The following HS3ST2 variants were observed in gnomAD, a reference collection of about 807,000 sequenced individuals.
The protein encoded by HS3ST2 is heparan sulfate glucosamine 3-O-sulfotransferase 2.
In HS3ST2, 17 loss-of-function variants were observed where a neutral mutation model predicts 26.3. That is an observed-to-expected ratio of 0.65 (90% CI 0.44 to 0.97). The LOEUF is 0.97. HS3ST2 is among the 50% of genes least tolerant of loss of function. The probability of loss-of-function intolerance (pLI) is 0.00; values close to 1 mark genes in which losing one functional copy is unlikely to be tolerated. For synonymous variants in HS3ST2, 237 were observed against 219.2 expected (o/e 1.08, Z -0.72); for missense variants, 402 against 501.2 (o/e 0.80, Z 1.89).
intron 1 of HS3ST2, among the ~76,000 whole-genome samples, chr16:22,865,049 C>CA (rs59256411): frequency 0.013 from 646 of 49,458 alleles, 7 homozygotes; most frequent in Middle Eastern, 0.033. Flanking sequence ...GACCCTATCT[C>CA]AAAAAAAAAA....
At chr16:22,821,211 C>G (rs1480701389) in intron 1 of HS3ST2, among the ~76,000 whole-genome samples, 1 of 152,096 alleles carries the variant, frequency 6.6e-6, no homozygotes, top group African/African-American at 2.4e-5. Flanking sequence ...TGGGCATGTC[C>G]TTCATGGCCT....
chr16:22,839,143 T>C (rs957792115), intron 1 of HS3ST2, among the ~76,000 whole-genome samples: 3 of 152,246 alleles, frequency 2.0e-5, no homozygotes, highest in East Asian at 3.8e-4. Context: ...TCTCTGCTTA[T>C]GCCTCCAGTT....
rs370346828 is a variant in HS3ST2 at position 22,896,267 on chromosome 16, A to G, written c.486-18677A>G. On this transcript the variant is annotated intron_variant, in intron 1 of 1. Transcript: ENST00000261374. ...CACTCAGAATGTTGTTTTTCTTTTC[A>G]AGGGATTTTTTGAAGAGCAGGATCT... 2.0e-5 allele frequency among the ~76,000 whole-genome samples: 3 copies of G among 152,242 alleles called. No homozygotes were observed. The East Asian group carries it at 5.8e-4, about 29-fold the overall frequency.
chr16:22,867,647 G>A (rs568483090), intron 1 of HS3ST2, among the ~76,000 whole-genome samples: 20 of 152,246 alleles, frequency 1.3e-4, no homozygotes, highest in Non-Finnish European at 2.5e-4. Context: ...GAAAAAAATG[G>A]AGCAAAATAA....
chr16:22,887,837 T>G (rs1395226209), intron 1 of HS3ST2, among the ~76,000 whole-genome samples: 3 of 151,342 alleles, frequency 2.0e-5, no homozygotes, highest in Non-Finnish European at 4.4e-5. Flanking sequence ...CAGTCCCAGC[T>G]ACTCGGGAGG....
chr16:22,900,667 G>A (rs914794903), intron 1 of HS3ST2, among the ~76,000 whole-genome samples: 1 of 152,108 alleles, frequency 6.6e-6, no homozygotes, highest in Non-Finnish European at 1.5e-5. Context: ...AATGGTCAGT[G>A]GGGGGCAGGG....
chr16:22,818,454 C>T (rs971406133), intron 1 of HS3ST2, among the ~76,000 whole-genome samples: 1 of 152,118 alleles, frequency 6.6e-6, no homozygotes, highest in Non-Finnish European at 1.5e-5. Flanking sequence ...AGTAATGTTA[C>T]TACTGTTATT....
chr16:22,875,910 G>T (rs1007038101), intron 1 of HS3ST2, among the ~76,000 whole-genome samples: 1 of 152,160 alleles, frequency 6.6e-6, no homozygotes, highest in African/African-American at 2.4e-5. Flanking sequence ...GTTGCCTACA[G>T]TATTCAGGAC....
intron 1 of HS3ST2, among the ~76,000 whole-genome samples, chr16:22,840,486 G>C (rs1169357327): frequency 6.6e-6 from 1 of 151,932 alleles, no homozygotes; most frequent in African/African-American, 2.4e-5. Flanking sequence ...AGTTTCAAGA[G>C]ATTCTCCTGC....
At chr16:22,834,258 C>A (rs1255173736) in intron 1 of HS3ST2, among the ~76,000 whole-genome samples, 3 of 152,150 alleles carry the variant, frequency 2.0e-5, no homozygotes, top group African/African-American at 7.2e-5. Flanking sequence ...AGTGTACCCA[C>A]AGTTGTAATC....
chr16:22,847,482 A>G (rs1471761000), intron 1 of HS3ST2, among the ~76,000 whole-genome samples: 1 of 152,220 alleles, frequency 6.6e-6, no homozygotes, highest in Non-Finnish European at 1.5e-5. Context: ...CAAATTTATT[A>G]AAGCCCATGT....
intron 1 of HS3ST2, among the ~76,000 whole-genome samples, chr16:22,867,102 G>A (rs183192743): frequency 9.0e-4 from 137 of 152,214 alleles, no homozygotes; most frequent in African/African-American, 2.8e-3. Flanking sequence ...TGGAAAGATC[G>A]GTGGGATAGA....
intron 1 of HS3ST2, among the ~76,000 whole-genome samples, chr16:22,900,398 G>T (rs1257995415): frequency 6.6e-6 from 1 of 152,150 alleles, no homozygotes; most frequent in East Asian, 1.9e-4. Context: ...ACTCAGGCTG[G>T]AAGCTAGAAA....
At chr16:22,875,222 C>T (rs1412700844) in intron 1 of HS3ST2, among the ~76,000 whole-genome samples, 3 of 151,884 alleles carry the variant, frequency 2.0e-5, no homozygotes, top group South Asian at 4.2e-4. Context: ...GTATTTTGTA[C>T]AGCTGTACAA....
intron 1 of HS3ST2, among the ~76,000 whole-genome samples, chr16:22,900,978 A>G (rs1431288339): frequency 6.6e-6 from 1 of 152,140 alleles, no homozygotes; most frequent in Non-Finnish European, 1.5e-5. Flanking sequence ...GAAGGGATAG[A>G]TAGCTGGTTT....
chr16:22,882,552 G>A (rs1036316913), intron 1 of HS3ST2, among the ~76,000 whole-genome samples: 2 of 151,930 alleles, frequency 1.3e-5, no homozygotes, highest in African/African-American at 2.4e-5. Context: ...TGGCCAGCAT[G>A]ACGAAACCCT....
rs574322729 is a variant in HS3ST2, at chr16:22,860,512, T to C, written c.485+45417T>C. Among the ~76,000 whole-genome samples, 5 of 152,286 alleles carry C rather than the reference T, an allele frequency of 3.3e-5. No homozygotes were observed. In the South Asian group the frequency reaches 1.0e-3, roughly 32 times the overall value. On this transcript the variant is annotated intron_variant, in intron 1 of 1. Transcript: ENST00000261374. ...CCATCTGACTTCTGCAGTTTATTTA[T>C]TTATTTATTTTTGAGCAATGATCAC...
intron 1 of HS3ST2, among the ~76,000 whole-genome samples, chr16:22,902,906 A>G (rs1902299391): frequency 6.6e-6 from 1 of 152,112 alleles, no homozygotes. Flanking sequence ...TGATTTGCAA[A>G]GTGTCTGGAA....
intron 1 of HS3ST2, among the ~76,000 whole-genome samples, chr16:22,859,505 T>TA (rs1287595650): frequency 7.9e-5 from 12 of 152,218 alleles, no homozygotes; most frequent in Admixed American, 1.3e-4. Flanking sequence ...TTTTCAGTGT[T>TA]ATAGCTGTCA....
Sources: allele counts gnomAD v4.1 joint callset (sites outside exome capture counted in the v4.1 genomes callset), GRCh38; gene constraint gnomAD v4.1.1; transcripts MANE v1.5; gene names NCBI Gene and HGNC (gene_info 2026-07-23, HGNC 2026-07-21).